Variants in CFAP44 observed in about 807,000 individuals in gnomAD.
CFAP44 encodes the protein cilia- and flagella-associated protein 44.
CFAP44 carries 134 observed loss-of-function variants against 216.2 expected under a neutral mutation model. That is an observed-to-expected ratio of 0.62 (90% confidence interval 0.54 to 0.72). CFAP44 has a LOEUF of 0.72. CFAP44 is among the 30% of genes least tolerant of loss of function. The pLI is 0.00. For missense variants in CFAP44, 2,035 were observed against 2,182.1 expected (o/e 0.93, Z 1.34); for synonymous variants, 700 against 727.6 (o/e 0.96, Z 0.61).
At position 113,400,834 on chromosome 3, in the gene CFAP44, G is replaced by A. The variant is rs561944606; in HGVS notation, c.1375-190C>T. 7.0e-4 allele frequency among the ~76,000 whole-genome samples: 107 copies of A among 152,140 alleles called. 1 individual carries two copies. Among genetic ancestry groups the A allele is most frequent in the African/African-American group, 2.5e-3 (104 of 41,520 alleles). On this transcript the variant is annotated intron_variant, in intron 11 of 34. Coordinates refer to ENST00000393845, the MANE Select transcript of CFAP44 (RefSeq NM_001164496.2). ...AGAACCAGATAGAGTCCTGGGCTTT[G>A]TCCTTAATGGCTGTGTGATTTTGCG...
chr3:113,395,360 G>GTACAT (rs770692564), intron 15 of CFAP44, among the ~76,000 whole-genome samples: 1 of 152,186 alleles, frequency 6.6e-6, no homozygotes, highest in Admixed American at 6.5e-5. Flanking sequence ...ATAAAGATGA[G>GTACAT]GAAAAGTACA....
chr3:113,334,004 G>A (rs887952738), intron 24 of CFAP44, among the ~76,000 whole-genome samples: 2 of 150,868 alleles, frequency 1.3e-5, no homozygotes, highest in East Asian at 1.9e-4. Flanking sequence ...CCTGGCTGGA[G>A]TGAATTGTGT....
chr3:113,310,401 C>T (rs1950026812), intron 28 of CFAP44, among the ~76,000 whole-genome samples: 4 of 152,172 alleles, frequency 2.6e-5, no homozygotes, highest in Admixed American at 2.6e-4. Flanking sequence ...TCAAAGAGGC[C>T]CCCTATCCCT....
Position 113,427,190 on chromosome 3 carries a change from T to C in CFAP44, c.250A>G (p.Thr84Ala), listed in dbSNP as rs887037759. The stretch of plus-strand genomic sequence containing the variant: ...ACAGAAAACTAATAATACCTACCTG[T>C]AGTGCTTTGCAAATCACCATACTGA... ...SFQYGDLQST[T>A]VPQQTPAPAV... The change falls in exon 3 of 35, where the codon ACA (threonine) becomes GCA (alanine). Residue 84 changes from threonine to alanine, a missense_variant. Physicochemically the swap from Thr to Ala is moderately conservative, Grantham distance 58. This residue lies in a region of CFAP44 where 149 missense variants were observed against 141.8 expected (regional missense o/e 1.05). Transcript: ENST00000393845. 1.2e-5 allele frequency: 19 copies of C among 1,612,274 alleles called. No homozygotes were observed. Among genetic ancestry groups the C allele is most frequent in the Admixed American group, 1.7e-5 (1 of 59,726 alleles).
chr3:113,298,616 A>T (rs1418666565), intron 32 of CFAP44, among the ~76,000 whole-genome samples: 1 of 152,282 alleles, frequency 6.6e-6, no homozygotes, highest in African/African-American at 2.4e-5. Context: ...ATGTGTAAAC[A>T]AAATGTGGCA....
At chr3:113,367,624 G>A (rs1192574124) in intron 18 of CFAP44, among the ~76,000 whole-genome samples, 1 of 152,194 alleles carries the variant, frequency 6.6e-6, no homozygotes, top group Non-Finnish European at 1.5e-5. Context: ...CAAAGATGGG[G>A]AGAAACCAGA....
chr3:113,323,272 C>A (rs2107805692), intron 28 of CFAP44, among the ~76,000 whole-genome samples: 1 of 152,258 alleles, frequency 6.6e-6, no homozygotes, highest in African/African-American at 2.4e-5. Context: ...CCATTGAATA[C>A]TACACAGCCA....
At chr3:113,432,495 C>A (rs1427543463) in intron 2 of CFAP44, among the ~76,000 whole-genome samples, 5 of 152,146 alleles carry the variant, frequency 3.3e-5, no homozygotes, top group East Asian at 1.9e-4. Flanking sequence ...CCAGAAGAAT[C>A]ACTTTTAGCT....
intron 12 of CFAP44, 151 bp downstream of exon 12, chr3:113,400,394 C>T: frequency 1.9e-6 from 1 of 528,146 alleles, no homozygotes; most frequent in Non-Finnish European, 3.1e-6. Flanking sequence ...GTTTTGTGGC[C>T]TCTCCTCTCC....
At chr3:113,433,053 C>T (rs1473793663) in intron 2 of CFAP44, among the ~76,000 whole-genome samples, 2 of 152,036 alleles carry the variant, frequency 1.3e-5, no homozygotes, top group Non-Finnish European at 2.9e-5. Flanking sequence ...ATTTCCTGGA[C>T]CATATGTAGT....
At chr3:113,414,678 G>A (rs879085452) in intron 6 of CFAP44, among the ~76,000 whole-genome samples, 2 of 152,176 alleles carry the variant, frequency 1.3e-5, no homozygotes, top group Non-Finnish European at 2.9e-5. Flanking sequence ...ATCTGTGTAT[G>A]TTGAACCAGC....
At position 113,401,561 on chromosome 3, in the gene CFAP44, C is replaced by T. The variant is rs756567970; in HGVS notation, c.1326+23G>A. 2.5e-6 allele frequency: 4 copies of T among 1,610,628 alleles called. No homozygotes were observed. In the East Asian group the frequency reaches 8.9e-5, roughly 36 times the overall value. ...TTTGGTCCATGTAATGTTAAAGAGC[C>T]AAGAGACAAGAATGCAACACACCTG... is the stretch of plus-strand genomic sequence containing the variant. On this transcript the variant is annotated intron_variant, in intron 10 of 34. Transcript: ENST00000393845.
intron 2 of CFAP44, among the ~76,000 whole-genome samples, chr3:113,430,403 C>T (rs1935072840): frequency 7.5e-6 from 1 of 133,640 alleles, no homozygotes; most frequent in African/African-American, 2.8e-5. Context: ...CCTAAAGTTC[C>T]ACCTCAAGAA....
chr3:113,302,924 G>A (rs1949952562), intron 32 of CFAP44, among the ~76,000 whole-genome samples: 1 of 151,950 alleles, frequency 6.6e-6, no homozygotes, highest in African/African-American at 2.4e-5. Flanking sequence ...ATGGACAAAG[G>A]ATAGGACAGG....
chr3:113,333,333 G>A, intron 25 of CFAP44, 73 bp downstream of exon 25: 1 of 1,274,078 alleles, frequency 7.8e-7, no homozygotes, highest in Non-Finnish European at 1.1e-6. Flanking sequence ...ATAGGGAAAT[G>A]AGTGGTTTTA....
At position 113,304,131 on chromosome 3, in the gene CFAP44, A is replaced by T; in HGVS notation, c.4876-14T>A. ...CACATACTCTATCTACAAGCATAAA[A>T]CAAATCAAAAGAAAATAGACAAAAA... On this transcript the variant is annotated splice_polypyrimidine_tract_variant and intron_variant, in intron 31 of 34. Coordinates refer to ENST00000393845, the MANE Select transcript of CFAP44 (RefSeq NM_001164496.2). The T allele has an allele frequency of 6.6e-7, 1 of 1,525,412 alleles. No homozygotes were observed. The highest frequency in any genetic ancestry group is 8.8e-7 in the Non-Finnish European group (1 of 1,140,444). The allele number at this position is 1,525,412 out of a possible 1,614,324, so 94.5% of individuals were successfully genotyped here.
At chr3:113,417,951 C>G (rs919254176) in intron 5 of CFAP44, among the ~76,000 whole-genome samples, 13 of 152,238 alleles carry the variant, frequency 8.5e-5, no homozygotes, top group Middle Eastern at 3.4e-3. Context: ...ATCCTTTACC[C>G]TTCTAGGTCT....
chr3:113,363,161 A>G lies in CFAP44; in HGVS notation c.2918T>C (p.Met973Thr), dbSNP rs1950557468. 1.2e-6 allele frequency: 2 copies of G among 1,608,892 alleles called. No homozygotes were observed. Among genetic ancestry groups the G allele is most frequent in the Non-Finnish European group, 1.7e-6 (2 of 1,178,516 alleles). The change falls in exon 21 of 35, where the codon ATG (methionine) becomes ACG (threonine). Residue 973 changes from methionine (M) to threonine (T), a missense_variant. Transcript: ENST00000393845. ...LEMNEKLPKH[M>T]QFKRTDFDVD... The stretch of plus-strand genomic sequence containing the variant: ...TAGGCTTACTGTTCGTTTAAACTGC[A>G]TATGCTTTGGTAATTTTTCATTCAT...
At chr3:113,417,950 C>G (rs1934692755) in intron 5 of CFAP44, among the ~76,000 whole-genome samples, 2 of 152,062 alleles carry the variant, frequency 1.3e-5, no homozygotes, top group South Asian at 4.2e-4. Context: ...AATCCTTTAC[C>G]CTTCTAGGTC....
Sources: allele counts gnomAD v4.1 joint callset (sites outside exome capture counted in the v4.1 genomes callset), GRCh38; gene constraint gnomAD v4.1.1; regional missense constraint gnomAD v4.1.1; transcripts MANE v1.5; gene names NCBI Gene and HGNC (gene_info 2026-07-23, HGNC 2026-07-21).